The following HERC2 variants were observed in gnomAD, a reference collection of about 807,000 sequenced individuals.
The protein encoded by HERC2 is HECT and RLD domain containing E3 ubiquitin protein ligase 2.
In HERC2, 102 loss-of-function variants were observed where a neutral mutation model predicts 537.7. That is an observed-to-expected ratio of 0.19 (90% CI 0.16 to 0.22). The LOEUF is 0.22. Among genes scored for constraint, HERC2 ranks in the 10% least tolerant of loss-of-function variants. The pLI is 1.00. For synonymous variants in HERC2, 2,224 were observed against 2,466.2 expected (o/e 0.90, Z 2.91); for missense variants, 4,236 against 6,198.2 (o/e 0.68, Z 10.63).
intron 2 of HERC2, among the ~76,000 whole-genome samples, chr15:28,299,818 G>A (rs2076570366): frequency 1.3e-5 from 2 of 152,168 alleles, no homozygotes; most frequent in Middle Eastern, 3.4e-3. Flanking sequence ...TTGGGAGGCC[G>A]AGCGGGGCAC....
rs781678134 is a variant in HERC2 at position 28,130,531 on chromosome 15, G to T, written c.12634C>A (p.Leu4212Ile). The T allele has an allele frequency of 3.1e-6, 5 of 1,613,878 alleles. No homozygotes were observed. The highest frequency in any genetic ancestry group is 4.2e-6 in the Non-Finnish European group (5 of 1,179,954). Reference sequence around the variant, plus strand: ...GTATAAACAGCTCCAGATTTGGTAAGGGCAACAGAAAACTGGGATCCGCAT... The same window carrying T: ...GTATAAACAGCTCCAGATTTGGTAATGGCAACAGAAAACTGGGATCCGCAT... ...VECGSQFSVA[L>I]TKSGAVYTWG... The change falls in exon 82 of 93, where the codon CTT (leucine) becomes ATT (isoleucine). Residue 4212 changes from leucine to isoleucine, a missense_variant. This residue lies in a region of HERC2 where 38 missense variants were observed against 36.7 expected (regional missense o/e 1.04). Coordinates refer to ENST00000261609, the MANE Select transcript of HERC2 (RefSeq NM_004667.6).
In HERC2 at chr15:28,277,921, G is replaced by T. The variant is rs755442234; in HGVS notation, c.542+2147C>A. ...GCTCAAGTCCCTGATATAAAATGGT[G>T]TAGTATTTGCATATAACCTGTGCAC... On this transcript the variant is annotated intron_variant, in intron 5 of 92. Coordinates refer to ENST00000261609, the MANE Select transcript of HERC2 (RefSeq NM_004667.6). Among the ~76,000 whole-genome samples the T allele has an allele frequency of 1.2e-4, 19 of 152,180 alleles. 1 individual carries two copies. The highest frequency in any genetic ancestry group is 1.0e-3 in the Admixed American group (16 of 15,276).
intron 83 of HERC2, among the ~76,000 whole-genome samples, chr15:28,126,291 G>C (rs1889475497): frequency 6.6e-6 from 1 of 152,182 alleles, no homozygotes. Flanking sequence ...GTGATGGAAA[G>C]CATTTTCCAC....
intron 2 of HERC2, among the ~76,000 whole-genome samples, chr15:28,314,893 C>A (rs1303530038): frequency 1.3e-5 from 2 of 151,672 alleles, no homozygotes; most frequent in Non-Finnish European, 2.9e-5. Flanking sequence ...TATGTCAACA[C>A]ATGAAAATTA....
chr15:28,231,124 C>A (rs1423490921), intron 30 of HERC2, among the ~76,000 whole-genome samples: 1 of 152,102 alleles, frequency 6.6e-6, no homozygotes, highest in Non-Finnish European at 1.5e-5. Flanking sequence ...GAATTTCCTC[C>A]CTATACTTTA....
intron 69 of HERC2, among the ~76,000 whole-genome samples, chr15:28,158,222 G>A (rs1181794059): frequency 6.6e-6 from 1 of 152,148 alleles, no homozygotes; most frequent in African/African-American, 2.4e-5. Context: ...ATTGATTTGG[G>A]GTGGAGAGTT....
chr15:28,117,080 A>C lies in HERC2; in HGVS notation c.13347T>G (p.Ala4449=), dbSNP rs1029355873. 2 of 1,614,164 alleles carry C rather than the reference A, an allele frequency of 1.2e-6. No homozygotes were observed. The highest frequency in any genetic ancestry group is 2.2e-5 in the South Asian group (2 of 91,086). Residue 4449 remains alanine, a synonymous_variant, in exon 87 of 93, where the codon GCT becomes GCG. Coordinates refer to ENST00000261609, the MANE Select transcript of HERC2 (RefSeq NM_004667.6). ...GTKSVFGQMC[A]KMSSFGPDSL... is the part of the protein sequence containing the mutation. ...TGTCGGGACCAAACGAGCTCATCTT[A>C]GCACACATCTGCCCAAAGACAGACT...
In HERC2 at chr15:28,229,611, T is replaced by C. The variant is rs1488002302; in HGVS notation, c.4984-15A>G. ...GCTCTCTCCAACTGCAAAATATCAA[T>C]GCATACAGTTAAGTGTTATGTATAT... On this transcript the variant is annotated splice_polypyrimidine_tract_variant and intron_variant, in intron 32 of 92. Coordinates refer to ENST00000261609, the MANE Select transcript of HERC2 (RefSeq NM_004667.6). 5 of 1,603,310 alleles carry C rather than the reference T, an allele frequency of 3.1e-6. No individual in the cohort carries two copies. The African/African-American group carries it at 5.4e-5, about 17-fold the overall frequency.
intron 87 of HERC2, 26 bp from the exon 88 acceptor site, chr15:28,116,885 A>C (rs1447708377): frequency 1.4e-5 from 22 of 1,607,922 alleles, no homozygotes; most frequent in Non-Finnish European, 1.8e-5. Flanking sequence ...AGCCACTCGA[A>C]GTCCCCTCAC....
intron 70 of HERC2, among the ~76,000 whole-genome samples, chr15:28,150,715 G>A (rs140328183): frequency 7.6e-5 from 11 of 145,358 alleles, no homozygotes; most frequent in East Asian, 2.1e-4. Flanking sequence ...AAACACACGC[G>A]GCTTCTAACT....
chr15:28,149,295 C>A (rs974036192), intron 70 of HERC2, among the ~76,000 whole-genome samples: 2 of 151,470 alleles, frequency 1.3e-5, no homozygotes, highest in African/African-American at 2.4e-5. Context: ...AAAACACACG[C>A]AGCTCCTGAG....
intron 68 of HERC2, among the ~76,000 whole-genome samples, chr15:28,165,602 G>A (rs960672599): frequency 1.3e-4 from 19 of 151,564 alleles, no homozygotes; most frequent in Non-Finnish European, 2.9e-5. Flanking sequence ...GACCAGCCTG[G>A]GCAACATGGC....
rs754522648 is a variant in HERC2 at position 28,146,325 on chromosome 15, T to C, written c.10920A>G (p.Val3640=). ...VKIPGAEGLR[V]EFDRQCSTER... ...CTGTGGAGCACTGCCGGTCAAATTC[T>C]ACCCTGAGTCCTTCTGCACCTGAAG... Residue 3640 remains valine, a synonymous_variant, in exon 71 of 93, where the codon GTA becomes GTG. Coordinates refer to ENST00000261609, the MANE Select transcript of HERC2 (RefSeq NM_004667.6). The C allele has an allele frequency of 1.1e-5, 18 of 1,613,758 alleles. No individual in the cohort carries two copies. Among genetic ancestry groups the C allele is most frequent in the African/African-American group, 6.7e-5 (5 of 74,878 alleles).
intron 3 of HERC2, among the ~76,000 whole-genome samples, chr15:28,296,457 A>G (rs1158996550): frequency 6.6e-6 from 1 of 152,160 alleles, no homozygotes; most frequent in African/African-American, 2.4e-5. Context: ...TGAGCGACAG[A>G]ACAAGACTCC....
intron 78 of HERC2, among the ~76,000 whole-genome samples, chr15:28,138,371 T>C (rs1445290702): frequency 6.6e-6 from 1 of 152,206 alleles, no homozygotes; most frequent in Non-Finnish European, 1.5e-5. Flanking sequence ...AAGCTTCAAA[T>C]ATTTTGTTAG....
intron 56 of HERC2, among the ~76,000 whole-genome samples, chr15:28,185,379 G>C (rs1375053077): frequency 6.6e-6 from 1 of 152,106 alleles, no homozygotes; most frequent in Non-Finnish European, 1.5e-5. Flanking sequence ...GGAGGGCCCC[G>C]GTCACACTAG....
intron 2 of HERC2, among the ~76,000 whole-genome samples, chr15:28,299,975 C>T (rs1376829836): frequency 3.3e-5 from 5 of 151,488 alleles, no homozygotes; most frequent in Admixed American, 3.3e-4. Context: ...ATTGCTTGAA[C>T]CCAGGAGGCA....
rs1284389029 is a variant in HERC2, at chr15:28,175,502, G to A, written c.9831+10C>T. 1.9e-6 allele frequency: 3 copies of A among 1,606,644 alleles called. No individual in the cohort carries two copies. Among genetic ancestry groups the A allele is most frequent in the African/African-American group, 1.3e-5 (1 of 74,750 alleles). ...ATGGCACGCCACCCCCAGGCCACCT[G>A]CAGCCTTACCTGCCCCGAGTCCGTG... On this transcript the variant is annotated intron_variant, in intron 64 of 92. Coordinates refer to ENST00000261609, the MANE Select transcript of HERC2 (RefSeq NM_004667.6).
chr15:28,230,972 A>G (rs1299372009), intron 30 of HERC2, among the ~76,000 whole-genome samples: 1 of 152,174 alleles, frequency 6.6e-6, no homozygotes, highest in Non-Finnish European at 1.5e-5. Context: ...CAAACTGAAA[A>G]AAAAAAAGGT....
Sources: gnomAD v4.1 joint callset for allele counts (sites outside exome capture counted in the v4.1 genomes callset) on GRCh38, gnomAD v4.1.1 for gene constraint, gnomAD v4.1.1 regional missense constraint, MANE v1.5 for transcripts, NCBI Gene and HGNC (gene_info 2026-07-23, HGNC 2026-07-21) for gene names.